The following ARHGEF7 variants were observed in gnomAD, a reference collection of about 807,000 sequenced individuals.
ARHGEF7 encodes PAK-interacting exchange factor beta.
Under a neutral mutation model 109.8 loss-of-function variants are expected in ARHGEF7, and 33 were observed. The ratio of observed to expected loss-of-function variants is 0.30; its 90% confidence interval spans 0.23 to 0.40. The LOEUF is 0.40. Among genes scored for constraint, ARHGEF7 ranks in the 10% least tolerant of loss-of-function variants. The pLI is 1.00. For synonymous variants in ARHGEF7, 458 were observed against 424.6 expected, an observed-to-expected ratio of 1.08 and a Z score of -0.97; for missense variants, 938 against 1,098.5, an observed-to-expected ratio of 0.85 and a Z score of 2.07.
chr13:111,138,116 C>T (rs182907071), intron 1 of ARHGEF7, among the ~76,000 whole-genome samples: 2 of 152,092 alleles, frequency 1.3e-5, no homozygotes, highest in African/African-American at 2.4e-5. Context: ...GAGTTCGAGA[C>T]CAGCCTGACC....
At position 111,233,310 on chromosome 13, in the gene ARHGEF7, C is replaced by T. The variant is rs767433566; in HGVS notation, c.759+17C>T. ...TACAATGTGGTGAGTAATTGCAGAA[C>T]ATTTTTAAACTAACTGGTTTTTGAC... On this transcript the variant is annotated intron_variant, in intron 6 of 21. Coordinates refer to ENST00000646102, the MANE Select transcript of ARHGEF7 (RefSeq NM_001354046.2). 1.3e-6 allele frequency: 2 copies of T among 1,597,656 alleles called. No homozygotes were observed. Among genetic ancestry groups the T allele is most frequent in the South Asian group, 2.2e-5 (2 of 90,754 alleles).
At position 111,292,710 on chromosome 13, in the gene ARHGEF7, C is replaced by T. The variant is rs56018333; in HGVS notation, c.2311+416C>T. ...TCACACAGGTTTGTGATCTAAGTGC[C>T]AGAACCATGGAGGAGACTCTGGCCT... On this transcript the variant is annotated intron_variant, in intron 19 of 21. Coordinates refer to ENST00000646102, the MANE Select transcript of ARHGEF7 (RefSeq NM_001354046.2). 5.9e-3 allele frequency: 6,144 copies of T among 1,034,908 alleles called. 28 individuals carry two copies. The highest frequency in any genetic ancestry group is 6.5e-3 in the Non-Finnish European group (5,623 of 860,098). The allele number at this position is 1,034,908 out of a possible 1,614,324, so 64.1% of individuals were successfully genotyped here.
intron 6 of ARHGEF7, among the ~76,000 whole-genome samples, chr13:111,242,008 A>G (rs1274081025): frequency 1.3e-5 from 2 of 152,172 alleles, no homozygotes; most frequent in African/African-American, 4.8e-5. Context: ...GGCTGGCATC[A>G]CGGTTTACCT....
At chr13:111,302,332 G>A (rs544197307) in intron 21 of ARHGEF7, among the ~76,000 whole-genome samples, 58 of 152,348 alleles carry the variant, frequency 3.8e-4, no homozygotes, top group Middle Eastern at 3.4e-3. Context: ...AGCTAGGTGA[G>A]GGAAGGTTGG....
chr13:111,240,616 G>A (rs1343390928), intron 6 of ARHGEF7, among the ~76,000 whole-genome samples: 3 of 152,170 alleles, frequency 2.0e-5, no homozygotes, highest in African/African-American at 7.2e-5. Context: ...GTCTTGTAAT[G>A]TACTTTTTGA....
chr13:111,280,656 T>C lies in ARHGEF7; in HGVS notation c.1704T>C (p.Pro568=), dbSNP rs751499408. ...VTSVGNPTIK[P]HSVPSHTLPS... is the part of the protein sequence containing the mutation. ...CTGTGGGAAACCCCACCATAAAGCC[T>C]CATTCAGTGCCATCTCATACCGTAA... The change falls in exon 15 of 22, where the codon CCT becomes CCC. Residue 568 remains proline, a synonymous_variant. Transcript: ENST00000646102. 12 of 1,603,766 alleles carry C rather than the reference T, an allele frequency of 7.5e-6. No homozygotes were observed. Among genetic ancestry groups the C allele is most frequent in the Non-Finnish European group, 9.4e-6 (11 of 1,175,644 alleles).
At chr13:111,280,790 G>A in intron 15 of ARHGEF7, 113 bp downstream of exon 15, 2 of 1,220,426 alleles carry the variant, frequency 1.6e-6, no homozygotes, top group South Asian at 1.7e-5. Flanking sequence ...GATAAAAAGT[G>A]CAAAACACTT....
chr13:111,214,172 C>T (rs1042685523), intron 4 of ARHGEF7, among the ~76,000 whole-genome samples: 9 of 152,198 alleles, frequency 5.9e-5, no homozygotes, highest in African/African-American at 1.7e-4. Context: ...TGTCAGTAGG[C>T]GTGCCTCCCT....
intron 2 of ARHGEF7, among the ~76,000 whole-genome samples, chr13:111,167,429 C>G (rs765231785): frequency 1.3e-5 from 2 of 152,198 alleles, no homozygotes; most frequent in Non-Finnish European, 2.9e-5. Context: ...TCTTCTTGGT[C>G]TTTACTTCCT....
chr13:111,273,229 C>T lies in ARHGEF7; in HGVS notation c.1074-585C>T, dbSNP rs1595415971. Among the ~76,000 whole-genome samples, 2 of 152,308 alleles carry T rather than the reference C, an allele frequency of 1.3e-5. No individual in the cohort carries two copies. Among genetic ancestry groups the T allele is most frequent in the African/African-American group, 4.8e-5 (2 of 41,576 alleles). Reference sequence around the variant, plus strand: ...TTCCTCACGTATTGTGAGGATTAAACTTAAAGCTTTTGAAGTTCTGAAGCC... The same window carrying T: ...TTCCTCACGTATTGTGAGGATTAAATTTAAAGCTTTTGAAGTTCTGAAGCC... On this transcript the variant is annotated intron_variant, in intron 9 of 21. Transcript: ENST00000646102. This position sits in a 1 kb window ranked among gnomAD's most constrained non-coding sequence, Gnocchi z 4.5.
intron 8 of ARHGEF7, among the ~76,000 whole-genome samples, chr13:111,267,109 G>A (rs183606760): frequency 1.9e-3 from 286 of 152,354 alleles, no homozygotes; most frequent in African/African-American, 6.4e-3. Context: ...CCTGATAGGT[G>A]GGCTTGCTTT....
chr13:111,188,359 T>C (rs2079490661), intron 2 of ARHGEF7, among the ~76,000 whole-genome samples: 1 of 152,190 alleles, frequency 6.6e-6, no homozygotes, highest in South Asian at 2.1e-4. Flanking sequence ...CAGATGCTTG[T>C]TGTTTGGGCC....
intron 1 of ARHGEF7, among the ~76,000 whole-genome samples, chr13:111,143,153 C>T (rs1446031541): frequency 6.6e-6 from 1 of 152,226 alleles, no homozygotes; most frequent in Non-Finnish European, 1.5e-5. Context: ...ACTGCAGGGA[C>T]AGGAGCTGCC....
chr13:111,202,314 T>G (rs963209527), intron 2 of ARHGEF7, among the ~76,000 whole-genome samples: 1 of 152,228 alleles, frequency 6.6e-6, no homozygotes, highest in Non-Finnish European at 1.5e-5. Flanking sequence ...CTTCTCACGC[T>G]TGGCTGTGTG....
chr13:111,266,102 C>T lies in ARHGEF7; in HGVS notation c.951-1446C>T, dbSNP rs1567011092. Reference sequence around the variant, plus strand: ...CTCTGTCATTTTGGTCACGTACCTGCTCTGGGAACTTCCCGAGGAGCAAGT... The same window carrying T: ...CTCTGTCATTTTGGTCACGTACCTGTTCTGGGAACTTCCCGAGGAGCAAGT... On this transcript the variant is annotated intron_variant, in intron 8 of 21. Coordinates refer to ENST00000646102, the MANE Select transcript of ARHGEF7 (RefSeq NM_001354046.2). This position sits in a 1 kb window ranked among gnomAD's most constrained non-coding sequence, Gnocchi z 4.8. Among the ~76,000 whole-genome samples, 1 of 152,134 alleles carries T rather than the reference C, an allele frequency of 6.6e-6. No individual in the cohort carries two copies. Among genetic ancestry groups the T allele is most frequent in the African/African-American group, 2.4e-5 (1 of 41,410 alleles).
chr13:111,152,120 A>G (rs778132389), intron 1 of ARHGEF7, among the ~76,000 whole-genome samples: 16 of 152,238 alleles, frequency 1.1e-4, no homozygotes, highest in Non-Finnish European at 2.1e-4. Context: ...TTTCAAGCAT[A>G]AAAATAGACT....
At chr13:111,224,814 G>A (rs1303428182) in intron 5 of ARHGEF7, among the ~76,000 whole-genome samples, 3 of 152,236 alleles carry the variant, frequency 2.0e-5, no homozygotes, top group East Asian at 1.9e-4. Context: ...GCCTTCCTTC[G>A]TGCCACTGGA....
At chr13:111,200,972 T>C (rs935010507) in intron 2 of ARHGEF7, among the ~76,000 whole-genome samples, 2 of 152,176 alleles carry the variant, frequency 1.3e-5, no homozygotes, top group African/African-American at 4.8e-5. Context: ...TTTTTCTTCT[T>C]TGGCTCGGGG....
chr13:111,234,499 C>G (rs1183506327), intron 6 of ARHGEF7, among the ~76,000 whole-genome samples: 1 of 152,224 alleles, frequency 6.6e-6, no homozygotes, highest in Non-Finnish European at 1.5e-5. Context: ...CCTCTCCCCT[C>G]GCTGAGCTCG....
Sources: allele counts gnomAD v4.1 joint callset (sites outside exome capture counted in the v4.1 genomes callset), GRCh38; gene constraint gnomAD v4.1.1; non-coding constraint Gnocchi (gnomAD v3.1); transcripts MANE v1.5; gene names NCBI Gene and HGNC (gene_info 2026-07-23, HGNC 2026-07-21).